LRP1B: variants seen among roughly 807,000 people sequenced by gnomAD.
LRP1B encodes LDL receptor related protein 1B, also known as low-density lipoprotein receptor-related protein 1B.
In LRP1B, 217 loss-of-function variants were observed where a neutral mutation model predicts 556.6. The observed-to-expected ratio is 0.39, with a 90% confidence interval of 0.35 to 0.44. The LOEUF (loss-of-function observed/expected upper bound fraction) is 0.44, where lower values mean the gene tolerates loss of function less well. LRP1B is among the 20% of genes least tolerant of loss of function. The pLI is 1.00. For missense variants in LRP1B, 5,053 were observed against 5,620.8 expected, an observed-to-expected ratio of 0.90 and a Z score of 3.23; for synonymous variants, 2,047 against 1,865.8, an observed-to-expected ratio of 1.10 and a Z score of -2.50.
At chr2:141,084,998 T>G (rs532942910) in intron 7 of LRP1B, among the ~76,000 whole-genome samples, 46 of 152,252 alleles carry the variant, frequency 3.0e-4, no homozygotes, top group African/African-American at 1.1e-3. Flanking sequence ...TGTTTTATGT[T>G]TCTTGCATTT....
chr2:140,681,130 C>T (rs1427498897), intron 41 of LRP1B, among the ~76,000 whole-genome samples: 2 of 152,176 alleles, frequency 1.3e-5, no homozygotes, highest in African/African-American at 4.8e-5. Context: ...ATATGGCTTA[C>T]AGCAGATGTT....
At chr2:142,056,472 G>T (rs1429689214) in intron 1 of LRP1B, among the ~76,000 whole-genome samples, 1 of 152,034 alleles carries the variant, frequency 6.6e-6, no homozygotes, top group African/African-American at 2.4e-5. Flanking sequence ...AGCATGGATG[G>T]CATAATAGGA....
intron 18 of LRP1B, among the ~76,000 whole-genome samples, chr2:140,964,195 G>T (rs1696126174): frequency 6.6e-6 from 1 of 152,086 alleles, no homozygotes. Context: ...TGCATATCAG[G>T]GACTATTAGT....
intron 31 of LRP1B, among the ~76,000 whole-genome samples, chr2:140,836,487 C>A (rs1405770822): frequency 6.6e-6 from 1 of 152,070 alleles, no homozygotes; most frequent in Non-Finnish European, 1.5e-5. Context: ...TCTGAATTTT[C>A]TTTTTCTTCT....
At chr2:142,058,439 T>C (rs987975410) in intron 1 of LRP1B, among the ~76,000 whole-genome samples, 1 of 152,200 alleles carries the variant, frequency 6.6e-6, no homozygotes, top group African/African-American at 2.4e-5. Flanking sequence ...AGAAATACTT[T>C]AGCGCAAGCT....
At chr2:141,881,702 T>A (rs1698962756) in intron 1 of LRP1B, among the ~76,000 whole-genome samples, 1 of 152,046 alleles carries the variant, frequency 6.6e-6, no homozygotes, top group Non-Finnish European at 1.5e-5. Flanking sequence ...ACTACCTACC[T>A]TTGAAATCCC....
At chr2:141,033,034 G>A (rs1469364495) in intron 11 of LRP1B, among the ~76,000 whole-genome samples, 1 of 151,886 alleles carries the variant, frequency 6.6e-6, no homozygotes, top group Non-Finnish European at 1.5e-5. Context: ...AGACAGTACT[G>A]AGGAAAACTT....
At chr2:140,306,328 A>G (rs1684065932) in intron 83 of LRP1B, among the ~76,000 whole-genome samples, 1 of 152,006 alleles carries the variant, frequency 6.6e-6, no homozygotes, top group South Asian at 2.1e-4. Flanking sequence ...CCTCAATTTC[A>G]GAGCCTGTTA....
At chr2:140,812,155 C>T (rs1032266177) in intron 32 of LRP1B, among the ~76,000 whole-genome samples, 5 of 152,152 alleles carry the variant, frequency 3.3e-5, no homozygotes, top group Admixed American at 2.6e-4. Context: ...TGGAAATTCC[C>T]AACTAGGGAA....
intron 41 of LRP1B, among the ~76,000 whole-genome samples, chr2:140,689,776 A>C (rs1250407026): frequency 6.6e-6 from 1 of 152,110 alleles, no homozygotes; most frequent in African/African-American, 2.4e-5. Flanking sequence ...AGAGCCAACC[A>C]CAGGTTTCTA....
intron 83 of LRP1B, among the ~76,000 whole-genome samples, chr2:140,300,165 G>A (rs1258132361): frequency 6.6e-6 from 1 of 152,142 alleles, no homozygotes; most frequent in Non-Finnish European, 1.5e-5. Flanking sequence ...ATCATTCAGA[G>A]TGCAGCTGAA....
chr2:142,067,603 C>G (rs1689510367), intron 1 of LRP1B, among the ~76,000 whole-genome samples: 1 of 151,536 alleles, frequency 6.6e-6, no homozygotes, highest in Admixed American at 6.6e-5. Flanking sequence ...CTGTAAAGCA[C>G]AGTTTTTTCT....
intron 84 of LRP1B, among the ~76,000 whole-genome samples, chr2:140,291,318 A>ATATTTTTTTTT (rs369391920): frequency 0.034 from 3,768 of 109,258 alleles, 149 homozygotes; most frequent in Middle Eastern, 0.11. Flanking sequence ...ATATATATAT[A>ATATTTTTTTTT]TTTTTATTAT....
chr2:140,990,032 C>G (rs566661779), intron 16 of LRP1B, among the ~76,000 whole-genome samples: 29 of 151,784 alleles, frequency 1.9e-4, no homozygotes, highest in Non-Finnish European at 3.5e-4. Flanking sequence ...TTGGTGAAAC[C>G]CTGTTTCTAC....
chr2:142,128,775 T>C (rs1315384078), intron 1 of LRP1B, among the ~76,000 whole-genome samples: 2 of 152,218 alleles, frequency 1.3e-5, no homozygotes, highest in Non-Finnish European at 2.9e-5. Flanking sequence ...TCGTTTACCA[T>C]GTGCTCTGCT....
chr2:140,351,062 C>G (rs773756156), intron 76 of LRP1B, 24 bp from the exon 77 acceptor site: 1 of 1,454,256 alleles, frequency 6.9e-7, no homozygotes, highest in East Asian at 2.4e-5. Flanking sequence ...TAATAAAATA[C>G]AAAAATAAAG....
At chr2:141,449,888 A>T (rs1005320257) in intron 3 of LRP1B, among the ~76,000 whole-genome samples, 2 of 152,110 alleles carry the variant, frequency 1.3e-5, no homozygotes, top group Admixed American at 6.5e-5. Flanking sequence ...GCATTGTAGG[A>T]TGTTTAGCGG....
chr2:142,050,541 G>C (rs973608853), intron 1 of LRP1B, among the ~76,000 whole-genome samples: 1 of 151,946 alleles, frequency 6.6e-6, no homozygotes, highest in South Asian at 2.1e-4. Context: ...TTCAATTTTT[G>C]TTATTAAAAA....
chr2:141,370,165 T>C (rs1689179710), intron 3 of LRP1B, among the ~76,000 whole-genome samples: 1 of 152,182 alleles, frequency 6.6e-6, no homozygotes, highest in African/African-American at 2.4e-5. Context: ...ACTGGGTAGA[T>C]ACTCAGTAGT....
Sources: allele counts gnomAD v4.1 joint callset (sites outside exome capture counted in the v4.1 genomes callset), GRCh38; gene constraint gnomAD v4.1.1; transcripts MANE v1.5; gene names NCBI Gene and HGNC (gene_info 2026-07-23, HGNC 2026-07-21).